Variants in NRXN1 observed in about 807,000 individuals in gnomAD.
NRXN1 encodes the protein neurexin 1.
A neutral mutation model predicts 150.9 loss-of-function variants in NRXN1; 39 were observed. The observed-to-expected ratio is 0.26, with a 90% CI of 0.20 to 0.34. The LOEUF is 0.34. NRXN1 is among the 10% of genes least tolerant of loss of function. The pLI, the probability that NRXN1 is intolerant of heterozygous loss-of-function variation, is 1.00. For missense variants in NRXN1, 1,815 were observed against 1,949.9 expected, an observed-to-expected ratio of 0.93 and a Z score of 1.30; for synonymous variants, 924 against 757.0, an observed-to-expected ratio of 1.22 and a Z score of -3.62.
At chr2:50,046,434 T>G (rs1691825136) in intron 21 of NRXN1, among the ~76,000 whole-genome samples, 1 of 152,198 alleles carries the variant, frequency 6.6e-6, no homozygotes, top group Admixed American at 6.5e-5. Context: ...AGAAAATAGC[T>G]TTAAAGGTAA....
At chr2:50,198,371 C>T (rs1051895671) in intron 18 of NRXN1, among the ~76,000 whole-genome samples, 6 of 152,044 alleles carry the variant, frequency 3.9e-5, no homozygotes, top group Non-Finnish European at 5.9e-5. Flanking sequence ...GCCATGATCC[C>T]ATGTAGGAGA....
intron 17 of NRXN1, among the ~76,000 whole-genome samples, chr2:50,458,197 C>T (rs2087778258): frequency 6.6e-6 from 1 of 152,024 alleles, no homozygotes; most frequent in Non-Finnish European, 1.5e-5. Flanking sequence ...ACAAATATCG[C>T]ATGTTCTCAC....
intron 8 of NRXN1, among the ~76,000 whole-genome samples, chr2:50,602,925 G>T (rs574220094): frequency 6.6e-6 from 1 of 152,178 alleles, no homozygotes; most frequent in South Asian, 2.1e-4. Context: ...AGCAGAGCTA[G>T]AACAGAAGAC....
intron 5 of NRXN1, among the ~76,000 whole-genome samples, chr2:50,827,159 T>A (rs1015986122): frequency 1.3e-5 from 2 of 152,194 alleles, no homozygotes; most frequent in Admixed American, 6.5e-5. Flanking sequence ...GTCTATTCAA[T>A]CAAGAATGGC....
At chr2:50,211,140 A>G (rs2062984990) in intron 18 of NRXN1, among the ~76,000 whole-genome samples, 2 of 151,700 alleles carry the variant, frequency 1.3e-5, no homozygotes, top group Admixed American at 6.6e-5. Context: ...ACTTTATTTT[A>G]GGAGAAAACT....
chr2:50,595,400 T>C (rs577789181), intron 8 of NRXN1, among the ~76,000 whole-genome samples: 76 of 149,592 alleles, frequency 5.1e-4, no homozygotes, highest in African/African-American at 1.8e-3. Flanking sequence ...TTGATTATGA[T>C]TTATGGGCCA....
chr2:50,964,290 G>A (rs1260217572), intron 2 of NRXN1, among the ~76,000 whole-genome samples: 2 of 151,424 alleles, frequency 1.3e-5, no homozygotes, highest in African/African-American at 2.4e-5. Flanking sequence ...GGAAAACTAT[G>A]ACCGTTTTCA....
At chr2:50,070,786 A>AC (rs1428320309) in intron 19 of NRXN1, among the ~76,000 whole-genome samples, 2 of 151,636 alleles carry the variant, frequency 1.3e-5, no homozygotes, top group African/African-American at 4.8e-5. Flanking sequence ...AAAAAAAAAA[A>AC]AAACCTGTAA....
chr2:50,113,969 C>T (rs559345586), intron 18 of NRXN1, among the ~76,000 whole-genome samples: 2 of 152,134 alleles, frequency 1.3e-5, no homozygotes, highest in East Asian at 3.9e-4. Flanking sequence ...AGGGTCTGTT[C>T]CCTGTTTGGA....
intron 17 of NRXN1, among the ~76,000 whole-genome samples, chr2:50,449,423 A>C (rs2086757444): frequency 6.6e-6 from 1 of 152,062 alleles, no homozygotes; most frequent in Non-Finnish European, 1.5e-5. Context: ...CGACTTAGTC[A>C]CTCCTTCCTC....
intron 18 of NRXN1, among the ~76,000 whole-genome samples, chr2:50,221,591 T>TA (rs983431322): frequency 1.3e-5 from 2 of 149,842 alleles, no homozygotes; most frequent in Admixed American, 6.6e-5. Flanking sequence ...ATTGGCCATT[T>TA]AAAAAAAAGT....
At chr2:50,448,936 C>T (rs934670335) in intron 17 of NRXN1, among the ~76,000 whole-genome samples, 3 of 152,002 alleles carry the variant, frequency 2.0e-5, no homozygotes, top group Non-Finnish European at 4.4e-5. Flanking sequence ...TCAGGAACAG[C>T]CTATGGAAAG....
At chr2:51,025,137 G>T (rs1281025412) in intron 2 of NRXN1, among the ~76,000 whole-genome samples, 2 of 152,126 alleles carry the variant, frequency 1.3e-5, no homozygotes, top group Non-Finnish European at 1.5e-5. Context: ...ATACTCAAAA[G>T]AATCCAATCT....
At chr2:50,266,021 TAG>T (rs1558409217) in intron 17 of NRXN1, among the ~76,000 whole-genome samples, 1 of 145,960 alleles carries the variant, frequency 6.9e-6, no homozygotes, top group African/African-American at 2.5e-5. Flanking sequence ...TTTTTTGAGA[TAG>T]AGTCTCACTC....
chr2:50,274,885 A>AAAATTTTAAAATTTAAAATTT, intron 17 of NRXN1, among the ~76,000 whole-genome samples: 1 of 152,170 alleles, frequency 6.6e-6, no homozygotes, highest in East Asian at 1.9e-4. Context: ...GTCAAAATTT[A>AAAATTTTAAAATTTAAAATTT]AAAACAGGCT....
At chr2:50,280,763 G>A (rs1229651175) in intron 17 of NRXN1, among the ~76,000 whole-genome samples, 1 of 152,140 alleles carries the variant, frequency 6.6e-6, no homozygotes, top group East Asian at 1.9e-4. Context: ...ATTCTCCCAA[G>A]TCCAAAGTGG....
intron 9 of NRXN1, among the ~76,000 whole-genome samples, chr2:50,541,861 T>C (rs1034029307): frequency 3.9e-5 from 6 of 152,214 alleles, no homozygotes; most frequent in African/African-American, 1.4e-4. Context: ...AGCTAAAATG[T>C]TGTAACCCAT....
At chr2:50,352,269 A>T (rs1438190395) in intron 17 of NRXN1, among the ~76,000 whole-genome samples, 4 of 152,164 alleles carry the variant, frequency 2.6e-5, no homozygotes, top group Admixed American at 2.0e-4. Flanking sequence ...GATTCTGGAG[A>T]AATGGGAAAG....
intron 17 of NRXN1, among the ~76,000 whole-genome samples, chr2:50,460,508 A>C (rs2088064926): frequency 1.3e-5 from 2 of 152,074 alleles, no homozygotes; most frequent in East Asian, 3.9e-4. Context: ...ATACAGACTG[A>C]AACTATTATT....
Sources: allele counts gnomAD v4.1 joint callset (sites outside exome capture counted in the v4.1 genomes callset), GRCh38; gene constraint gnomAD v4.1.1; transcripts MANE v1.5; gene names NCBI Gene and HGNC (gene_info 2026-07-23, HGNC 2026-07-21).